RBFOX1: variants seen among roughly 807,000 people sequenced by gnomAD.
RBFOX1 encodes RNA binding fox-1 homolog 1, also known as RNA binding protein fox-1 homolog 1.
In RBFOX1, 8 loss-of-function variants were observed where a neutral mutation model predicts 57.7. The observed-to-expected ratio is 0.14, with a 90% CI of 0.08 to 0.25. The LOEUF is 0.25. RBFOX1 is among the 10% of genes least tolerant of loss of function. The probability of loss-of-function intolerance (pLI) is 1.00; values close to 1 mark genes in which losing one functional copy is unlikely to be tolerated. For synonymous variants in RBFOX1, 326 were observed against 222.4 expected (o/e 1.47, Z -4.15); for missense variants, 611 against 548.5 (o/e 1.11, Z -1.14).
chr16:6,722,606 G>T (rs1017936857), intron 3 of RBFOX1, among the ~76,000 whole-genome samples: 2 of 152,108 alleles, frequency 1.3e-5, no homozygotes, highest in African/African-American at 4.8e-5. Context: ...TAATCAAGGG[G>T]TCCTTAAGTT....
chr16:7,555,710 G>A (rs575140945), intron 5 of RBFOX1, among the ~76,000 whole-genome samples: 9 of 152,200 alleles, frequency 5.9e-5, no homozygotes, highest in African/African-American at 2.2e-4. Context: ...GGCTGTGTCT[G>A]GGACTGGGCT....
intron 1 of RBFOX1, among the ~76,000 whole-genome samples, chr16:5,388,216 GAGGCAGCC>G (rs1372292046): frequency 6.6e-5 from 10 of 152,160 alleles, no homozygotes; most frequent in Non-Finnish European, 1.3e-4. Flanking sequence ...CACATTGGTA[GAGGCAGCC>G]AGGGGTCTCT....
intron 4 of RBFOX1, among the ~76,000 whole-genome samples, chr16:7,499,411 C>A (rs1193228002): frequency 6.6e-6 from 1 of 152,136 alleles, no homozygotes; most frequent in Non-Finnish European, 1.5e-5. Flanking sequence ...TGCAGTGACC[C>A]CATTCCCAGA....
At chr16:6,167,178 A>T (rs1214502033) in intron 1 of RBFOX1, among the ~76,000 whole-genome samples, 1 of 152,204 alleles carries the variant, frequency 6.6e-6, no homozygotes, top group Non-Finnish European at 1.5e-5. Flanking sequence ...GTTGGATGGG[A>T]AGAGCCGAAA....
At chr16:6,545,095 G>A (rs2096876683) in intron 2 of RBFOX1, among the ~76,000 whole-genome samples, 1 of 152,104 alleles carries the variant, frequency 6.6e-6, no homozygotes. Context: ...TAATAACAAT[G>A]GCTTTCCTCC....
chr16:7,166,845 G>T (rs561463634), intron 4 of RBFOX1, among the ~76,000 whole-genome samples: 1 of 152,020 alleles, frequency 6.6e-6, no homozygotes, highest in Non-Finnish European at 1.5e-5. Context: ...GAAACAACTC[G>T]GGGGTGGTGC....
chr16:6,723,910 T>A (rs544237930), intron 3 of RBFOX1: 1 of 152,282 alleles, frequency 6.6e-6, no homozygotes, highest in Admixed American at 6.5e-5. Context: ...CACCCAGTCA[T>A]GATCCATCAG....
intron 3 of RBFOX1, among the ~76,000 whole-genome samples, chr16:5,690,229 C>A (rs2050631610): frequency 6.6e-6 from 1 of 152,224 alleles, no homozygotes; most frequent in Admixed American, 6.5e-5. Context: ...CATCCATGAG[C>A]TCCACCTGAA....
intron 1 of RBFOX1, among the ~76,000 whole-genome samples, chr16:5,250,052 TAGTGAGGAGGAGGTTGC>T (rs1175605724): frequency 6.8e-6 from 1 of 147,404 alleles, no homozygotes. Flanking sequence ...GAGGAGGTTG[TAGTGAGGAGGAGGTTGC>T]AGTGAGCCGA....
chr16:7,011,107 G>A (rs570561093), intron 3 of RBFOX1, among the ~76,000 whole-genome samples: 1 of 151,094 alleles, frequency 6.6e-6, no homozygotes, highest in African/African-American at 2.4e-5. Context: ...GTCACTGAAA[G>A]AAGAGAGGCC....
chr16:7,637,659 G>C (rs570372974), intron 11 of RBFOX1, among the ~76,000 whole-genome samples: 1 of 152,144 alleles, frequency 6.6e-6, no homozygotes, highest in Non-Finnish European at 1.5e-5. Context: ...AGGTCATTTT[G>C]TTACTGACAC....
At chr16:7,117,345 C>A (rs8047900) in intron 4 of RBFOX1, among the ~76,000 whole-genome samples, 1 of 151,876 alleles carries the variant, frequency 6.6e-6, no homozygotes, top group Non-Finnish European at 1.5e-5. Flanking sequence ...TGTCAACAAC[C>A]CTAAAATGTT....
intron 4 of RBFOX1, among the ~76,000 whole-genome samples, chr16:5,988,837 C>G (rs1187442770): frequency 1.3e-5 from 2 of 152,024 alleles, no homozygotes; most frequent in East Asian, 1.9e-4. Flanking sequence ...TTAACCAAGA[C>G]TCAGAGAGTA....
At chr16:6,466,100 G>C (rs2095043639) in intron 2 of RBFOX1, among the ~76,000 whole-genome samples, 1 of 151,774 alleles carries the variant, frequency 6.6e-6, no homozygotes, top group African/African-American at 2.4e-5. Context: ...GTGGTGGTGG[G>C]CACCTGTAAT....
intron 3 of RBFOX1, among the ~76,000 whole-genome samples, chr16:6,985,086 A>G (rs1215423195): frequency 5.2e-5 from 7 of 133,632 alleles, no homozygotes; most frequent in Non-Finnish European, 1.7e-5. Flanking sequence ...AGATTCTGGA[A>G]TTTCCTCTCC....
At chr16:6,786,768 C>G (rs1443219525) in intron 3 of RBFOX1, among the ~76,000 whole-genome samples, 1 of 152,138 alleles carries the variant, frequency 6.6e-6, no homozygotes, top group African/African-American at 2.4e-5. Context: ...CTTAAAGAAA[C>G]TCCACCCAAT....
At chr16:6,236,548 C>T (rs1394868809) in intron 1 of RBFOX1, among the ~76,000 whole-genome samples, 1 of 151,994 alleles carries the variant, frequency 6.6e-6, no homozygotes, top group Middle Eastern at 3.2e-3. Flanking sequence ...GACTCCCCTG[C>T]CTCAGTCACC....
intron 3 of RBFOX1, among the ~76,000 whole-genome samples, chr16:6,868,193 A>C (rs7194903): frequency 6.6e-5 from 10 of 151,988 alleles, no homozygotes; most frequent in African/African-American, 2.4e-4. Flanking sequence ...TCAGTGCTAC[A>C]TGTTACAGCC....
At chr16:5,668,858 C>T (rs2049931638) in intron 3 of RBFOX1, among the ~76,000 whole-genome samples, 1 of 152,296 alleles carries the variant, frequency 6.6e-6, no homozygotes, top group South Asian at 2.1e-4. Flanking sequence ...CTTTTGACTC[C>T]TTCAGCATTA....
Sources: allele counts gnomAD v4.1 joint callset (sites outside exome capture counted in the v4.1 genomes callset), GRCh38; gene constraint gnomAD v4.1.1; transcripts MANE v1.5; gene names NCBI Gene and HGNC (gene_info 2026-07-23, HGNC 2026-07-21).